FHIT: variants seen among roughly 807,000 people sequenced by gnomAD.
FHIT encodes the protein fragile histidine triad diadenosine triphosphatase, also known as bis(5'-adenosyl)-triphosphatase.
A neutral mutation model predicts 17.9 loss-of-function variants in FHIT; 19 were observed. That is an observed-to-expected ratio of 1.06 (90% CI 0.74 to 1.56). The LOEUF (loss-of-function observed/expected upper bound fraction) is 1.56. FHIT is among the 40% of genes most tolerant of loss of function. The pLI, the probability that FHIT is intolerant of heterozygous loss-of-function variation, is 0.00. For missense variants in FHIT, 248 were observed against 189.2 expected (o/e 1.31, Z -1.82); for synonymous variants, 81 against 69.7 (o/e 1.16, Z -0.81).
chr3:60,086,943 G>A (rs1304446732), intron 5 of FHIT, among the ~76,000 whole-genome samples: 1 of 152,212 alleles, frequency 6.6e-6, no homozygotes, highest in Non-Finnish European at 1.5e-5. Flanking sequence ...TAGAGATTCT[G>A]TGGTGGCTGC....
chr3:60,170,592 A>C (rs996237864), intron 5 of FHIT, among the ~76,000 whole-genome samples: 2 of 152,108 alleles, frequency 1.3e-5, no homozygotes, highest in Non-Finnish European at 2.9e-5. Flanking sequence ...TTGTTCAATA[A>C]TTTTTTTAAT....
At chr3:60,111,933 C>A (rs902367558) in intron 5 of FHIT, among the ~76,000 whole-genome samples, 3 of 152,272 alleles carry the variant, frequency 2.0e-5, no homozygotes, top group African/African-American at 7.2e-5. Flanking sequence ...CCAGATTAGC[C>A]CTTTTTTGCC....
Position 60,426,080 on chromosome 3 carries a change from A to G in FHIT, c.103+110780T>C, listed in dbSNP as rs577614047. On this transcript the variant is annotated intron_variant, in intron 5 of 9. Transcript: ENST00000492590. ...GAGCATTTGTATTAATGCAATGGTC[A>G]AGAGCCTGGGCTCCAGAGCCAGACT... Among the ~76,000 whole-genome samples the G allele has an allele frequency of 2.6e-5, 4 of 152,296 alleles. No individual in the cohort carries two copies. The South Asian group carries it at 8.3e-4, about 32-fold the overall frequency.
At chr3:59,802,995 AAG>A (rs1273320201) in intron 8 of FHIT, among the ~76,000 whole-genome samples, 1 of 152,118 alleles carries the variant, frequency 6.6e-6, no homozygotes, top group African/African-American at 2.4e-5. Flanking sequence ...CATCCCCCTG[AAG>A]ACACGTGTCA....
intron 5 of FHIT, among the ~76,000 whole-genome samples, chr3:60,278,577 T>C (rs938162937): frequency 5.3e-5 from 8 of 152,078 alleles, no homozygotes; most frequent in Non-Finnish European, 1.2e-4. Context: ...ACACAGACTC[T>C]ATTGAATAAG....
chr3:60,982,359 G>A (rs1258948883), intron 3 of FHIT, among the ~76,000 whole-genome samples: 1 of 152,206 alleles, frequency 6.6e-6, no homozygotes, highest in African/African-American at 2.4e-5. Context: ...CTTTGGGCCA[G>A]CTTCTTAGCT....
intron 2 of FHIT, among the ~76,000 whole-genome samples, chr3:61,106,945 C>A (rs1332941537): frequency 6.6e-6 from 1 of 152,176 alleles, no homozygotes; most frequent in Non-Finnish European, 1.5e-5. Context: ...AGGCATGAAC[C>A]ACCATGCCTG....
In FHIT at chr3:60,821,906, TA is replaced by T. The variant is rs1230751005; in HGVS notation, c.-18+12del. ...AACTCTTTGAAAAAAAAATCAAAATTAAGTAAACCTACCTTTCAGAAGACTG... is the reference window on the plus strand; with the variant it reads ...AACTCTTTGAAAAAAAAATCAAAATTAGTAAACCTACCTTTCAGAAGACTG... On this transcript the variant is annotated intron_variant, in intron 4 of 9. Coordinates refer to ENST00000492590, the MANE Select transcript of FHIT (RefSeq NM_002012.4). The T allele has an allele frequency of 6.6e-6, 1 of 152,080 alleles. No homozygotes were observed. Among genetic ancestry groups the T allele is most frequent in the Non-Finnish European group, 1.5e-5 (1 of 68,014 alleles). The allele number at this position is 152,080 out of a possible 1,614,324, so 9.4% of individuals were successfully genotyped here.
At chr3:60,233,414 A>T (rs1704604158) in intron 5 of FHIT, among the ~76,000 whole-genome samples, 1 of 151,794 alleles carries the variant, frequency 6.6e-6, no homozygotes, top group Admixed American at 6.6e-5. Flanking sequence ...CCTCCCCAAG[A>T]TGTGCCAGAT....
At chr3:60,068,540 G>T (rs1189321277) in intron 5 of FHIT, among the ~76,000 whole-genome samples, 1 of 152,204 alleles carries the variant, frequency 6.6e-6, no homozygotes, top group African/African-American at 2.4e-5. Flanking sequence ...GATACAAATG[G>T]CAGGGAAGTG....
rs185800675 is a variant in FHIT, at chr3:60,931,068, C to T, written c.-110-109057G>A. On this transcript the variant is annotated intron_variant, in intron 3 of 9. Transcript: ENST00000492590. ...GATGAGTTCATGTCCTTTGTAGGGA[C>T]ATGGATGAAGCTGGAAACCATCATT... 2.6e-5 allele frequency among the ~76,000 whole-genome samples: 4 copies of T among 152,218 alleles called. No individual in the cohort carries two copies. The East Asian group carries it at 7.7e-4, about 29-fold the overall frequency.
At chr3:60,121,478 G>C (rs1308894322) in intron 5 of FHIT, among the ~76,000 whole-genome samples, 2 of 152,026 alleles carry the variant, frequency 1.3e-5, no homozygotes, top group Non-Finnish European at 2.9e-5. Context: ...TTGAGGTCAG[G>C]AATTTGAGAC....
intron 5 of FHIT, among the ~76,000 whole-genome samples, chr3:60,515,366 A>G (rs1198271531): frequency 6.6e-6 from 1 of 152,176 alleles, no homozygotes; most frequent in Non-Finnish European, 1.5e-5. Context: ...CATTTACGGG[A>G]CGTGAAATGC....
intron 4 of FHIT, among the ~76,000 whole-genome samples, chr3:60,697,237 G>A (rs1187781917): frequency 6.6e-6 from 1 of 152,142 alleles, no homozygotes; most frequent in African/African-American, 2.4e-5. Context: ...AAGGAAAATG[G>A]ATATGTCAAA....
chr3:60,006,585 A>G (rs1427428447), intron 7 of FHIT, among the ~76,000 whole-genome samples: 1 of 152,024 alleles, frequency 6.6e-6, no homozygotes, highest in African/African-American at 2.4e-5. Context: ...TACATATACC[A>G]TGTACTGAAC....
intron 5 of FHIT, among the ~76,000 whole-genome samples, chr3:60,416,147 A>G (rs1168155691): frequency 6.6e-6 from 1 of 151,878 alleles, no homozygotes; most frequent in Non-Finnish European, 1.5e-5. Flanking sequence ...AGAATTTTGA[A>G]AAGGCAAATA....
intron 1 of FHIT, among the ~76,000 whole-genome samples, chr3:61,235,379 A>C (rs2040204798): frequency 6.6e-6 from 1 of 152,212 alleles, no homozygotes; most frequent in South Asian, 2.1e-4. Context: ...GAAATACGAA[A>C]ATCTACATAA....
chr3:60,476,670 G>T (rs2033359473), intron 5 of FHIT, among the ~76,000 whole-genome samples: 1 of 152,094 alleles, frequency 6.6e-6, no homozygotes, highest in African/African-American at 2.4e-5. Context: ...AAAGTTCAAG[G>T]GCCTAGGGAG....
At chr3:61,050,647 G>A (rs918484564) in intron 2 of FHIT, among the ~76,000 whole-genome samples, 2 of 152,072 alleles carry the variant, frequency 1.3e-5, no homozygotes, top group African/African-American at 4.8e-5. Flanking sequence ...AGAAAAGAAA[G>A]AACGAAAAAA....
Sources: gnomAD v4.1 joint callset for allele counts (sites outside exome capture counted in the v4.1 genomes callset) on GRCh38, gnomAD v4.1.1 for gene constraint, MANE v1.5 for transcripts, NCBI Gene and HGNC (gene_info 2026-07-23, HGNC 2026-07-21) for gene names.